FAAH2: variants seen among roughly 807,000 people sequenced by gnomAD.
FAAH2 encodes the protein fatty-acid amide hydrolase 2.
A neutral mutation model predicts 36.9 loss-of-function variants in FAAH2; 60 were observed. The observed-to-expected ratio is 1.63, with a 90% CI of 1.32 to 2.02. The LOEUF (loss-of-function observed/expected upper bound fraction) is 2.02, where lower values mean the gene tolerates loss of function less well. Ranked by LOEUF, FAAH2 falls within the 30% of genes most tolerant of loss-of-function variation. The probability of loss-of-function intolerance (pLI) is 0.00; values close to 1 mark genes in which losing one functional copy is unlikely to be tolerated. For synonymous variants in FAAH2, 214 were observed against 143.8 expected (o/e 1.49, Z -3.49); for missense variants, 689 against 397.5 (o/e 1.73, Z -6.23).
upstream of FAAH2, among the ~76,000 whole-genome samples, chrX:57,281,964 T>A (rs2051758794): frequency 8.9e-6 from 1 of 112,177 alleles, no homozygotes; most frequent in Non-Finnish European, 1.9e-5. Flanking sequence ...TTATCCAGTC[T>A]AATGTTGATG....
chrX:57,415,801 ATCTG>A (rs1346296476), intron 7 of FAAH2, among the ~76,000 whole-genome samples: 2 of 110,630 alleles, frequency 1.8e-5, no homozygotes, highest in African/African-American at 6.6e-5. Flanking sequence ...TGTGTTTTTG[ATCTG>A]TCTAATATTG....
chrX:57,304,754 T>C (rs955542602), intron 2 of FAAH2, among the ~76,000 whole-genome samples: 3 of 111,966 alleles, frequency 2.7e-5, no homozygotes, highest in Non-Finnish European at 3.8e-5. Flanking sequence ...CTTGACAATA[T>C]GACTTTGAGT....
the FAAH2 span, among the ~76,000 whole-genome samples, chrX:57,221,395 G>A: frequency 4.5e-5 from 5 of 110,664 alleles, no homozygotes; most frequent in Non-Finnish European, 7.6e-5. Context: ...ACCCTCAGTC[G>A]CAGGACACCA....
At chrX:57,254,436 T>C in the FAAH2 span, among the ~76,000 whole-genome samples, 2 of 112,026 alleles carry the variant, frequency 1.8e-5, no homozygotes, top group East Asian at 5.6e-4. Context: ...AATAGGCATC[T>C]ATAGAACTCT....
chrX:57,454,366 T>C (rs2056833802), intron 10 of FAAH2, among the ~76,000 whole-genome samples: 1 of 111,516 alleles, frequency 9.0e-6, no homozygotes, highest in Admixed American at 9.5e-5. Context: ...CCCTTACACA[T>C]GAGAAAGAAT....
Position 57,446,923 on chromosome X carries a change from C to T in FAAH2, c.1117-5C>T, listed in dbSNP as rs775466512. 4 of 1,192,201 alleles carry T rather than the reference C, an allele frequency of 3.4e-6. No homozygotes were observed. The African/African-American group carries it at 7.1e-5, about 21-fold the overall frequency. On this transcript the variant is annotated splice_region_variant and splice_polypyrimidine_tract_variant and intron_variant, in intron 8 of 10. Coordinates refer to ENST00000374900, the MANE Select transcript of FAAH2 (RefSeq NM_174912.4). The stretch of plus-strand genomic sequence containing the variant: ...TTGTATTTTATTTCTTTCCTTCAAT[C>T]TCAGGAACCTGTGAAATTTGTAGAT...
chrX:57,473,113 T>C (rs1004050606), intron 10 of FAAH2, among the ~76,000 whole-genome samples: 5 of 111,172 alleles, frequency 4.5e-5, no homozygotes, highest in African/African-American at 1.6e-4. Flanking sequence ...TTCCTTAAGG[T>C]GTGAATTAGT....
At chrX:57,410,727 TC>T (rs753357128) in intron 7 of FAAH2, among the ~76,000 whole-genome samples, 1 of 111,836 alleles carries the variant, frequency 8.9e-6, no homozygotes, top group Non-Finnish European at 1.9e-5. Flanking sequence ...TATTTTTCTA[TC>T]TCTTTATTGT....
the FAAH2 span, among the ~76,000 whole-genome samples, chrX:57,265,455 G>GCT: frequency 8.1e-5 from 9 of 111,681 alleles, no homozygotes; most frequent in East Asian, 2.3e-3. Context: ...GGAAGGGGTG[G>GCT]GCTACTAACT....
At chrX:57,180,418 AAAG>A in the FAAH2 span, among the ~76,000 whole-genome samples, 6 of 111,845 alleles carry the variant, frequency 5.4e-5, no homozygotes, top group Non-Finnish European at 1.1e-4. Flanking sequence ...AGAAATGACT[AAAG>A]AAGTATTACC....
At chrX:57,439,779 T>C (rs1302009113) in intron 8 of FAAH2, among the ~76,000 whole-genome samples, 20 of 111,922 alleles carry the variant, frequency 1.8e-4, no homozygotes, top group Non-Finnish European at 3.8e-5. Context: ...AATTTTTGCA[T>C]AAGGTGTAAG....
chrX:57,451,365 A>G (rs2147188625), intron 10 of FAAH2, among the ~76,000 whole-genome samples: 1 of 112,021 alleles, frequency 8.9e-6, no homozygotes, highest in East Asian at 2.8e-4. Flanking sequence ...ACACTCTACA[A>G]TGAGAATAAA....
At chrX:57,394,330 C>T (rs1467727062) in intron 7 of FAAH2, 7 of 1,121,697 alleles carry the variant, frequency 6.2e-6, no homozygotes, top group South Asian at 1.8e-5. Context: ...CAGTCACCAC[C>T]TGATATTTCC....
At chrX:57,214,261 A>C in the FAAH2 span, among the ~76,000 whole-genome samples, 1 of 111,822 alleles carries the variant, frequency 8.9e-6, no homozygotes, top group Non-Finnish European at 1.9e-5. Flanking sequence ...GCCAATCGAT[A>C]TATTTTAAGT....
chrX:57,343,264 C>T (rs182105292), intron 5 of FAAH2, among the ~76,000 whole-genome samples: 38 of 112,049 alleles, frequency 3.4e-4, no homozygotes, highest in Non-Finnish European at 5.8e-4. Flanking sequence ...CTTTTCTCTG[C>T]AGCCTCATCA....
the FAAH2 span, among the ~76,000 whole-genome samples, chrX:57,277,676 A>G: frequency 1.8e-5 from 2 of 112,088 alleles, no homozygotes; most frequent in Non-Finnish European, 3.8e-5. Context: ...AGAAAACCCC[A>G]TTGTCTCAGC....
the FAAH2 span, among the ~76,000 whole-genome samples, chrX:57,163,215 C>T: frequency 5.4e-5 from 6 of 111,992 alleles, no homozygotes; most frequent in East Asian, 8.5e-4. Context: ...GCAGTCTGCC[C>T]GTTCTCAGAT....
the FAAH2 span, among the ~76,000 whole-genome samples, chrX:57,266,480 T>C: frequency 8.9e-6 from 1 of 112,809 alleles, no homozygotes; most frequent in Admixed American, 9.3e-5. Context: ...CAAGCCTCTC[T>C]GGACGGAGCC....
chrX:57,162,626 G>C, the FAAH2 span, among the ~76,000 whole-genome samples: 8 of 111,354 alleles, frequency 7.2e-5, no homozygotes, highest in African/African-American at 2.6e-4. Context: ...CTCCATTGCT[G>C]ATACCCTTTC....
Sources: allele counts gnomAD v4.1 joint callset (sites outside exome capture counted in the v4.1 genomes callset), GRCh38; gene constraint gnomAD v4.1.1; transcripts MANE v1.5; gene names NCBI Gene and HGNC (gene_info 2026-07-23, HGNC 2026-07-21).